The following ADAM18 variants were observed in gnomAD, a reference collection of about 807,000 sequenced individuals.
The protein encoded by ADAM18 is disintegrin and metalloproteinase domain-containing protein 18.
Under a neutral mutation model 94.4 loss-of-function variants are expected in ADAM18, and 117 were observed. The observed-to-expected ratio is 1.24, with a 90% confidence interval of 1.07 to 1.45. ADAM18 has a LOEUF of 1.45. Ranked by LOEUF, ADAM18 falls within the 40% of genes most tolerant of loss-of-function variation. The probability of loss-of-function intolerance (pLI) is 0.00; values close to 1 mark genes in which losing one functional copy is unlikely to be tolerated. For missense variants in ADAM18, 936 were observed against 880.0 expected (o/e 1.06, Z -0.81); for synonymous variants, 327 against 291.6 (o/e 1.12, Z -1.24).
At chr8:39,722,190 C>CGTGTGTGT (rs1164771841) in intron 18 of ADAM18, among the ~76,000 whole-genome samples, 28 of 101,776 alleles carry the variant, frequency 2.8e-4, no homozygotes, top group African/African-American at 1.3e-3. Context: ...TTGGTTATAC[C>CGTGTGTGT]GTGTGTGTGT....
intron 2 of ADAM18, among the ~76,000 whole-genome samples, chr8:39,587,424 C>T (rs1389996282): frequency 6.6e-6 from 1 of 152,080 alleles, no homozygotes; most frequent in African/African-American, 2.4e-5. Context: ...CTATTCTCTG[C>T]TTTTATGATT....
chr8:39,677,636 G>A (rs1821336230), intron 15 of ADAM18, 100 bp downstream of exon 15: 4 of 756,808 alleles, frequency 5.3e-6, no homozygotes, highest in African/African-American at 1.9e-5. Context: ...TTATAACATG[G>A]GAATATTTTC....
At chr8:39,718,024 A>T (rs1398442153) in intron 18 of ADAM18, among the ~76,000 whole-genome samples, 1 of 151,608 alleles carries the variant, frequency 6.6e-6, no homozygotes, top group Non-Finnish European at 1.5e-5. Flanking sequence ...AATCAGAACC[A>T]TGATGAGATA....
intron 14 of ADAM18, among the ~76,000 whole-genome samples, chr8:39,674,528 A>T (rs1563301517): frequency 1.3e-5 from 2 of 152,006 alleles, no homozygotes; most frequent in Non-Finnish European, 2.9e-5. Flanking sequence ...TGCATGTGAG[A>T]TGAGTCTCCT....
chr8:39,682,651 A>T (rs1821498518), intron 16 of ADAM18, among the ~76,000 whole-genome samples: 1 of 152,072 alleles, frequency 6.6e-6, no homozygotes, highest in Non-Finnish European at 1.5e-5. Context: ...CCCCACACAC[A>T]CTTTGAATTA....
At chr8:39,628,446 TAG>T in intron 6 of ADAM18, among the ~76,000 whole-genome samples, 1 of 151,046 alleles carries the variant, frequency 6.6e-6, no homozygotes, top group Non-Finnish European at 1.5e-5. Flanking sequence ...GATAGATAGA[TAG>T]ATAGATAGAT....
At chr8:39,642,936 T>A (rs757198813) in intron 10 of ADAM18, among the ~76,000 whole-genome samples, 4 of 152,126 alleles carry the variant, frequency 2.6e-5, no homozygotes, top group Non-Finnish European at 5.9e-5. Flanking sequence ...TTTTTCCACT[T>A]GTTTTTATCA....
At chr8:39,619,765 A>G (rs2129578766) in intron 6 of ADAM18, among the ~76,000 whole-genome samples, 1 of 152,268 alleles carries the variant, frequency 6.6e-6, no homozygotes, top group East Asian at 1.9e-4. Context: ...AAGATATTTA[A>G]TGTTCATGAA....
intron 19 of ADAM18, among the ~76,000 whole-genome samples, chr8:39,729,481 A>T (rs1823013130): frequency 6.6e-6 from 1 of 152,172 alleles, no homozygotes; most frequent in Non-Finnish European, 1.5e-5. Context: ...TGGGGAAAAA[A>T]ATAAAGACTA....
At chr8:39,696,284 A>G (rs1821925674) in intron 17 of ADAM18, among the ~76,000 whole-genome samples, 1 of 73,752 alleles carries the variant, frequency 1.4e-5, no homozygotes, top group Non-Finnish European at 2.6e-5. Context: ...TTTGGATATT[A>G]ATTCCTTATC....
At chr8:39,726,257 TACACACACAC>T (rs34664356) in intron 19 of ADAM18, among the ~76,000 whole-genome samples, 4 of 145,478 alleles carry the variant, frequency 2.7e-5, no homozygotes, top group African/African-American at 1.0e-4. Context: ...GTATGAGATC[TACACACACAC>T]ACACACACAT....
At chr8:39,656,033 A>C (rs1451878728) in intron 12 of ADAM18, among the ~76,000 whole-genome samples, 1 of 152,088 alleles carries the variant, frequency 6.6e-6, no homozygotes, top group Non-Finnish European at 1.5e-5. Flanking sequence ...TAATATTGCT[A>C]AGATGTAATT....
chr8:39,713,769 A>G (rs960365433), intron 18 of ADAM18, among the ~76,000 whole-genome samples: 3 of 152,202 alleles, frequency 2.0e-5, no homozygotes, highest in African/African-American at 7.2e-5. Context: ...TAGAATGGCA[A>G]TCATTAAAAA....
At chr8:39,705,772 G>A (rs1231512379) in intron 17 of ADAM18, among the ~76,000 whole-genome samples, 3 of 151,968 alleles carry the variant, frequency 2.0e-5, no homozygotes, top group South Asian at 4.2e-4. Flanking sequence ...GAGTATAAAC[G>A]GAAAGGACAC....
intron 6 of ADAM18, among the ~76,000 whole-genome samples, chr8:39,620,696 A>G (rs1819591041): frequency 6.7e-6 from 1 of 148,988 alleles, no homozygotes; most frequent in African/African-American, 2.4e-5. Context: ...ATGAAATCCT[A>G]TCAGCAGCAA....
At chr8:39,620,534 T>C (rs1426163976) in intron 6 of ADAM18, among the ~76,000 whole-genome samples, 1 of 147,486 alleles carries the variant, frequency 6.8e-6, no homozygotes, top group African/African-American at 2.5e-5. Context: ...CACATACAAG[T>C]AGCCAACTGT....
chr8:39,611,751 G>C (rs911333949), intron 6 of ADAM18, among the ~76,000 whole-genome samples: 1 of 151,622 alleles, frequency 6.6e-6, no homozygotes, highest in Non-Finnish European at 1.5e-5. Flanking sequence ...AGTGCCTATA[G>C]GTTGTGATGG....
chr8:39,640,269 G>A (rs1035590796), intron 10 of ADAM18, among the ~76,000 whole-genome samples: 1 of 152,098 alleles, frequency 6.6e-6, no homozygotes, highest in African/African-American at 2.4e-5. Context: ...TTATAAGTGA[G>A]AATATGTGGT....
At chr8:39,641,834 A>G (rs886852125) in intron 10 of ADAM18, among the ~76,000 whole-genome samples, 3 of 152,096 alleles carry the variant, frequency 2.0e-5, no homozygotes, top group Non-Finnish European at 4.4e-5. Flanking sequence ...AGGAAACACC[A>G]CGCTGTTTTC....
Sources: allele counts gnomAD v4.1 joint callset (sites outside exome capture counted in the v4.1 genomes callset), GRCh38; gene constraint gnomAD v4.1.1; transcripts MANE v1.5; gene names NCBI Gene and HGNC (gene_info 2026-07-23, HGNC 2026-07-21).